Variants in AFF3 observed in about 807,000 individuals in gnomAD.
AFF3 encodes ALF transcription elongation factor 3.
Under a neutral mutation model 129.7 loss-of-function variants are expected in AFF3, and 32 were observed. The ratio of observed to expected loss-of-function variants is 0.25; its 90% CI spans 0.19 to 0.33. The LOEUF (loss-of-function observed/expected upper bound fraction) is 0.33, where lower values mean the gene tolerates loss of function less well. Among genes scored for constraint, AFF3 ranks in the 10% least tolerant of loss-of-function variants. The probability of loss-of-function intolerance (pLI) is 1.00; values close to 1 mark genes in which losing one functional copy is unlikely to be tolerated. For synonymous variants in AFF3, 644 were observed against 635.4 expected (o/e 1.01, Z -0.20); for missense variants, 1,373 against 1,592.0 (o/e 0.86, Z 2.34).
At chr2:99,774,142 T>C (rs1683707347) in intron 8 of AFF3, among the ~76,000 whole-genome samples, 1 of 152,206 alleles carries the variant, frequency 6.6e-6, no homozygotes. Context: ...ATCGATATCA[T>C]GAAAATGGCC....
chr2:99,946,293 C>T (rs13414583), intron 7 of AFF3, among the ~76,000 whole-genome samples: 2 of 151,176 alleles, frequency 1.3e-5, no homozygotes, highest in African/African-American at 2.4e-5. Context: ...GCCAACATGG[C>T]GTAAACCCCA....
At chr2:99,985,187 A>G (rs1162712654) in intron 7 of AFF3, among the ~76,000 whole-genome samples, 1 of 152,244 alleles carries the variant, frequency 6.6e-6, no homozygotes, top group African/African-American at 2.4e-5. Context: ...ATATTCCCTT[A>G]AAAATATCCA....
intron 21 of AFF3, among the ~76,000 whole-genome samples, chr2:99,559,439 T>C (rs919592534): frequency 1.3e-5 from 2 of 152,164 alleles, no homozygotes; most frequent in Admixed American, 1.3e-4. Context: ...AAAAACACTA[T>C]GCTGGGAATA....
intron 7 of AFF3, among the ~76,000 whole-genome samples, chr2:99,838,038 G>A (rs577880160): frequency 3.3e-5 from 5 of 152,276 alleles, no homozygotes; most frequent in Admixed American, 3.3e-4. Flanking sequence ...ACCAAAAAGA[G>A]AAACATCCTC....
intron 4 of AFF3, among the ~76,000 whole-genome samples, chr2:100,082,676 A>G (rs1689123716): frequency 6.6e-6 from 1 of 152,124 alleles, no homozygotes; most frequent in African/African-American, 2.4e-5. Flanking sequence ...TATAAAAGGG[A>G]TATGTGAAGC....
chr2:99,588,896 G>A (rs1227638286), intron 15 of AFF3, among the ~76,000 whole-genome samples: 1 of 152,202 alleles, frequency 6.6e-6, no homozygotes, highest in Non-Finnish European at 1.5e-5. Context: ...CTTCTCTTGT[G>A]TCTGTGTTTA....
chr2:99,679,217 G>T (rs1004744662), intron 11 of AFF3, among the ~76,000 whole-genome samples: 1 of 152,144 alleles, frequency 6.6e-6, no homozygotes, highest in Non-Finnish European at 1.5e-5. Context: ...GGTGGTATTT[G>T]CTCACACATA....
intron 8 of AFF3, among the ~76,000 whole-genome samples, chr2:99,767,971 A>G (rs982519521): frequency 1.3e-5 from 2 of 152,092 alleles, no homozygotes; most frequent in Non-Finnish European, 2.9e-5. Flanking sequence ...CCCAGCCTGG[A>G]GCAGCTTCCT....
At chr2:99,866,715 G>A (rs1376699499) in intron 7 of AFF3, among the ~76,000 whole-genome samples, 1 of 152,082 alleles carries the variant, frequency 6.6e-6, no homozygotes, top group African/African-American at 2.4e-5. Flanking sequence ...GGTGGCTCAC[G>A]CTTGTAATTC....
At chr2:100,126,765 T>C (rs1056090901) in intron 2 of AFF3, among the ~76,000 whole-genome samples, 23 of 152,208 alleles carry the variant, frequency 1.5e-4, no homozygotes, top group African/African-American at 5.3e-4. Flanking sequence ...ATGTAGTCAG[T>C]GGCCCCAGGG....
chr2:99,972,136 T>G (rs2104432519), intron 7 of AFF3, among the ~76,000 whole-genome samples: 1 of 152,254 alleles, frequency 6.6e-6, no homozygotes, highest in East Asian at 1.9e-4. Context: ...ACTATAAGAT[T>G]AGGCATCACA....
chr2:100,007,201 G>T lies in AFF3; in HGVS notation c.434C>A (p.Thr145Asn). 6.2e-7 allele frequency: 1 copy of T among 1,614,154 alleles called. No individual in the cohort carries two copies. Among genetic ancestry groups the T allele is most frequent in the South Asian group, 1.1e-5 (1 of 91,074 alleles). The change falls in exon 6 of 25, where the codon ACT (threonine) becomes AAT (asparagine). Residue 145 changes from threonine (T) to asparagine (N), a missense_variant. Coordinates refer to ENST00000672756, the MANE Select transcript of AFF3 (RefSeq NM_001386135.1). ...GTGCCCAGCCTTCTGCCAGCCCATA[G>T]TGCCTCTCTTACTCTGCTGCACGGG... Reference protein sequence around the residue: ...AVPVQQSKRGTMGWQKAGHPP... With the variant: ...AVPVQQSKRGNMGWQKAGHPP...
chr2:99,941,588 C>T (rs968701105), intron 7 of AFF3, among the ~76,000 whole-genome samples: 2 of 152,208 alleles, frequency 1.3e-5, no homozygotes, highest in African/African-American at 2.4e-5. Flanking sequence ...TTCCTAATTT[C>T]CACTGTGACT....
At chr2:99,876,850 C>T (rs1338116015) in intron 7 of AFF3, among the ~76,000 whole-genome samples, 2 of 152,114 alleles carry the variant, frequency 1.3e-5, no homozygotes, top group Non-Finnish European at 2.9e-5. Context: ...TGCTGTTTCT[C>T]AACCTGGAAC....
chr2:99,927,571 C>T lies in AFF3; in HGVS notation c.873+79061G>A, dbSNP rs186128582. 1.6e-3 allele frequency among the ~76,000 whole-genome samples: 239 copies of T among 152,026 alleles called. 2 individuals are homozygous for T. The highest frequency in any genetic ancestry group is 5.6e-3 in the African/African-American group (231 of 41,486). ...AGAAGGAAACAACACACACTGGGGC[C>T]TTTCAGAGGGTAGAGGGCAGAAGAA... is the stretch of plus-strand genomic sequence containing the variant. On this transcript the variant is annotated intron_variant, in intron 7 of 24. Transcript: ENST00000672756.
At chr2:99,601,212 A>C (rs531719709) in intron 14 of AFF3, among the ~76,000 whole-genome samples, 3 of 152,284 alleles carry the variant, frequency 2.0e-5, no homozygotes, top group African/African-American at 7.2e-5. Context: ...GGGCAATGAA[A>C]GTTGATGTTT....
At chr2:99,756,903 C>T (rs140520394) in intron 8 of AFF3, among the ~76,000 whole-genome samples, 14 of 152,286 alleles carry the variant, frequency 9.2e-5, no homozygotes, top group Non-Finnish European at 1.6e-4. Flanking sequence ...TCATGACCCA[C>T]CTTCACATTT....
chr2:99,886,596 A>G (rs1693130080), intron 7 of AFF3, among the ~76,000 whole-genome samples: 1 of 152,188 alleles, frequency 6.6e-6, no homozygotes. Context: ...TGCCATTAGG[A>G]AAACTCCTCA....
chr2:99,777,840 G>A (rs1390896604), intron 8 of AFF3, among the ~76,000 whole-genome samples: 1 of 148,760 alleles, frequency 6.7e-6, no homozygotes, highest in East Asian at 2.0e-4. Context: ...GTCCCACAGA[G>A]CAGATGCGCC....
Sources: gnomAD v4.1 joint callset for allele counts (sites outside exome capture counted in the v4.1 genomes callset) on GRCh38, gnomAD v4.1.1 for gene constraint, MANE v1.5 for transcripts, NCBI Gene and HGNC (gene_info 2026-07-23, HGNC 2026-07-21) for gene names.